NSD2: variants seen among roughly 807,000 people sequenced by gnomAD.
NSD2 encodes nuclear receptor binding SET domain protein 2, also known as histone-lysine N-methyltransferase NSD2.
In NSD2, 12 loss-of-function variants were observed where a neutral mutation model predicts 139.0. The ratio of observed to expected loss-of-function variants is 0.09; its 90% confidence interval spans 0.06 to 0.14. The LOEUF is 0.14. Ranked by LOEUF, NSD2 falls within the 10% of genes least tolerant of loss-of-function variation. The pLI is 1.00. For missense variants in NSD2, 1,155 were observed against 1,745.0 expected, an observed-to-expected ratio of 0.66 and a Z score of 6.02; for synonymous variants, 669 against 648.7, an observed-to-expected ratio of 1.03 and a Z score of -0.48.
intron 9 of NSD2, chr4:1,940,203 T>C (rs1722947030): frequency 9.3e-7 from 1 of 1,080,158 alleles, no homozygotes; most frequent in Non-Finnish European, 1.1e-6. Flanking sequence ...CCACACCTGA[T>C]TCCTGTTGCT....
chr4:1,917,781 T>C (rs1247440686), intron 4 of NSD2, among the ~76,000 whole-genome samples: 1 of 148,068 alleles, frequency 6.8e-6, no homozygotes, highest in Non-Finnish European at 1.5e-5. Flanking sequence ...AAGTATTCTT[T>C]TTTTTTTTTT....
intron 5 of NSD2, among the ~76,000 whole-genome samples, chr4:1,920,986 C>G (rs1188938521): frequency 6.6e-6 from 1 of 152,120 alleles, no homozygotes; most frequent in African/African-American, 2.4e-5. Flanking sequence ...TGTGGTGAAC[C>G]ATGATCATGC....
intron 5 of NSD2, among the ~76,000 whole-genome samples, chr4:1,925,453 C>T (rs1232782988): frequency 5.0e-5 from 6 of 120,180 alleles, no homozygotes; most frequent in East Asian, 2.6e-4. Flanking sequence ...GGCTGGAGTG[C>T]GAAGGCGCCA....
At chr4:1,949,820 T>A (rs1012938840) in intron 9 of NSD2, among the ~76,000 whole-genome samples, 1 of 151,776 alleles carries the variant, frequency 6.6e-6, no homozygotes, top group African/African-American at 2.4e-5. Context: ...CAAACACTTC[T>A]GTGTTAGTTT....
chr4:1,918,920 G>A (rs765924252), intron 5 of NSD2: 43 of 259,898 alleles, frequency 1.7e-4, no homozygotes, highest in Middle Eastern at 2.6e-3. Flanking sequence ...GGCCAAGGCG[G>A]GAGGATTGCT....
Position 1,886,569 on chromosome 4 carries a change from C to T in NSD2, c.-29-14057C>T, listed in dbSNP as rs1055699983. On this transcript the variant is annotated intron_variant, in intron 1 of 21. Coordinates refer to ENST00000508803, the MANE Select transcript of NSD2 (RefSeq NM_001042424.3). ...ACTTGCGGCTGGGCGCGGTGACTCACGCCTGTAATTCCAGCACTTTGGGAG... is the reference window on the plus strand; with the variant it reads ...ACTTGCGGCTGGGCGCGGTGACTCATGCCTGTAATTCCAGCACTTTGGGAG... Among the ~76,000 whole-genome samples the T allele has an allele frequency of 5.3e-5, 8 of 152,114 alleles. No homozygotes were observed. The East Asian group carries it at 5.8e-4, about 11-fold the overall frequency.
At chr4:1,946,667 T>C (rs1351037019) in intron 9 of NSD2, 1 of 1,037,170 alleles carries the variant, frequency 9.6e-7, no homozygotes, top group African/African-American at 1.7e-5. Context: ...TTTTATTGTT[T>C]TATGTAGAAT....
In NSD2 at chr4:1,958,413, T is replaced by A. The variant is rs765758911; in HGVS notation, c.2985+377T>A. Among the ~76,000 whole-genome samples the A allele has an allele frequency of 6.6e-6, 1 of 152,176 alleles. No individual in the cohort carries two copies. The highest frequency in any genetic ancestry group is 1.5e-5 in the Non-Finnish European group (1 of 68,010). On this transcript the variant is annotated intron_variant, in intron 16 of 21. Coordinates refer to ENST00000508803, the MANE Select transcript of NSD2 (RefSeq NM_001042424.3). The surrounding 1 kb of genome is among the most constrained non-coding windows in gnomAD (Gnocchi z 4.6). ...AGTGACTGAGCCCCAAACACGTAGA[T>A]CCTGTACCTCAGAGAGCAAGATGGC...
At chr4:1,909,610 T>C (rs1471928920) in intron 3 of NSD2, among the ~76,000 whole-genome samples, 3 of 152,070 alleles carry the variant, frequency 2.0e-5, no homozygotes, top group Admixed American at 6.6e-5. Context: ...GCCAGTACTT[T>C]TATATTTTTC....
rs1720858944 is a variant in NSD2, at chr4:1,925,970, CTT to C, written c.1411-4653_1411-4652del. On this transcript the variant is annotated intron_variant, in intron 5 of 21. Coordinates refer to ENST00000508803, the MANE Select transcript of NSD2 (RefSeq NM_001042424.3). The stretch of plus-strand genomic sequence containing the variant: ...GCCATGTGCCACCACGCCTGGCTAA[CTT>C]TTCTATTTTTTATAGGGATGAGGTC... 2.0e-5 allele frequency among the ~76,000 whole-genome samples: 3 copies of C among 150,808 alleles called. No homozygotes were observed. The South Asian group carries it at 6.3e-4, about 32-fold the overall frequency.
intron 5 of NSD2, among the ~76,000 whole-genome samples, chr4:1,923,114 G>T (rs1431501573): frequency 6.6e-6 from 1 of 152,014 alleles, no homozygotes; most frequent in Admixed American, 6.6e-5. Context: ...GAGGAGCTTT[G>T]TCACCATGGG....
chr4:1,951,443 TACACACACACACACAC>T (rs71167763), intron 10 of NSD2, among the ~76,000 whole-genome samples: 203 of 101,002 alleles, frequency 2.0e-3, no homozygotes, highest in African/African-American at 6.0e-3. Flanking sequence ...CATCATGTAA[TACACACACACACACAC>T]ACACACACAC....
At chr4:1,947,551 T>C in intron 9 of NSD2, 1 of 1,053,430 alleles carries the variant, frequency 9.5e-7, no homozygotes, top group East Asian at 5.4e-5. Context: ...CTATAGTATT[T>C]TAGATGATGA....
intron 9 of NSD2, chr4:1,940,456 T>G: frequency 9.4e-7 from 1 of 1,063,006 alleles, no homozygotes; most frequent in Non-Finnish European, 1.1e-6. Flanking sequence ...CAAACCTAAA[T>G]TTTTTGCCGT....
chr4:1,959,721 C>G lies in NSD2; in HGVS notation c.3236C>G (p.Ala1079Gly), dbSNP rs1374595557. The change falls in exon 17 of 22, where the codon GCC becomes GGC. Residue 1079 changes from alanine (A) to glycine (G), a missense_variant. Ala to Gly is a moderately conservative substitution (Grantham distance 60). Transcript: ENST00000508803. ...GATGGCAAAGGGTGGGGCCTGGTCG[C>G]CAAGAGGGACATCAGAAAGGTATGT... ...KTDGKGWGLVAKRDIRKGEFV... is the reference protein window; with the variant it reads ...KTDGKGWGLVGKRDIRKGEFV... The G allele has an allele frequency of 1.9e-6, 3 of 1,613,808 alleles. No homozygotes were observed. Among genetic ancestry groups the G allele is most frequent in the Non-Finnish European group, 2.5e-6 (3 of 1,179,874 alleles).
At position 1,942,167 on chromosome 4, in the gene NSD2, G is replaced by C. The variant is rs781660165; in HGVS notation, c.1881+2389G>C. The stretch of plus-strand genomic sequence containing the variant: ...ATGTGATAAATAAAAATTTTTATTG[G>C]AATAATTATTACATGGTACTACATC... On this transcript the variant is annotated intron_variant, in intron 9 of 21. Coordinates refer to ENST00000508803, the MANE Select transcript of NSD2 (RefSeq NM_001042424.3). This position sits in a 1 kb window ranked among gnomAD's most constrained non-coding sequence, Gnocchi z 4.0. The C allele has an allele frequency of 6.9e-6, 9 of 1,300,036 alleles. No individual in the cohort carries two copies. The highest frequency in any genetic ancestry group is 7.8e-6 in the Non-Finnish European group (8 of 1,021,888). 80.5% of individuals were successfully genotyped at this position (1,300,036 alleles called of 1,614,324 possible).
chr4:1,944,084 G>C (rs989616852), intron 9 of NSD2: 1 of 1,065,504 alleles, frequency 9.4e-7, no homozygotes, highest in Non-Finnish European at 1.1e-6. Flanking sequence ...GTATCTCAGC[G>C]GGGGGTGGGG....
At position 1,974,233 on chromosome 4, in the gene NSD2, G is replaced by A. The variant is rs1328801790; in HGVS notation, c.3373-630G>A. ...GGTGAGTCTTTTTTTTTTTTGAGAC[G>A]GAGTTTTGCTTTTGTTGCCCAGGCT... is the stretch of plus-strand genomic sequence containing the variant. On this transcript the variant is annotated intron_variant, in intron 18 of 21. Coordinates refer to ENST00000508803, the MANE Select transcript of NSD2 (RefSeq NM_001042424.3). The surrounding 1 kb of genome is among the most constrained non-coding windows in gnomAD (Gnocchi z 4.0). Among the ~76,000 whole-genome samples, 3 of 150,548 alleles carry A rather than the reference G, an allele frequency of 2.0e-5. No homozygotes were observed. In the East Asian group the frequency reaches 5.8e-4, roughly 29 times the overall value.
intron 9 of NSD2, chr4:1,946,422 C>T (rs1004904691): frequency 2.1e-6 from 1 of 468,030 alleles, no homozygotes; most frequent in African/African-American, 2.1e-5. Context: ...CGGCTGCCAC[C>T]ACACCTGGCT....
Sources: allele counts gnomAD v4.1 joint callset (sites outside exome capture counted in the v4.1 genomes callset), GRCh38; gene constraint gnomAD v4.1.1; non-coding constraint Gnocchi (gnomAD v3.1); transcripts MANE v1.5; gene names NCBI Gene and HGNC (gene_info 2026-07-23, HGNC 2026-07-21).